Variants in THSD4 observed in about 807,000 individuals in gnomAD.
THSD4 encodes thrombospondin type 1 domain containing 4.
In THSD4, 69 loss-of-function variants were observed where a neutral mutation model predicts 119.0. The ratio of observed to expected loss-of-function variants is 0.58; its 90% confidence interval spans 0.48 to 0.71. THSD4 has a LOEUF of 0.71. Ranked by LOEUF, THSD4 falls within the 30% of genes least tolerant of loss-of-function variation. The pLI, the probability that THSD4 is intolerant of heterozygous loss-of-function variation, is 0.00. For missense variants in THSD4, 1,393 were observed against 1,391.1 expected, an observed-to-expected ratio of 1.00 and a Z score of -0.02; for synonymous variants, 524 against 540.4, an observed-to-expected ratio of 0.97 and a Z score of 0.42.
chr15:71,488,297 C>T (rs951711801), intron 7 of THSD4, among the ~76,000 whole-genome samples: 1 of 152,180 alleles, frequency 6.6e-6, no homozygotes, highest in Admixed American at 6.5e-5. Flanking sequence ...GGCATACATG[C>T]CACCTGATTA....
rs5813654 is a variant in THSD4, at chr15:71,697,918, CT to C, written c.1358-30620del. On this transcript the variant is annotated intron_variant, in intron 8 of 17. Transcript: ENST00000261862. Reference sequence around the variant, plus strand: ...GAAAGGGAACATGGTAGAAATAATCCTTTTTTTTTTTATGGGGGTAGATAAT... The same window carrying C: ...GAAAGGGAACATGGTAGAAATAATCCTTTTTTTTTTATGGGGGTAGATAAT... Among the ~76,000 whole-genome samples, 1,093 of 146,566 alleles carry C rather than the reference CT, an allele frequency of 7.5e-3. 8 individuals carry two copies. The highest frequency in any genetic ancestry group is 0.022 in the African/African-American group (897 of 40,244).
intron 7 of THSD4, among the ~76,000 whole-genome samples, chr15:71,568,676 G>A (rs764435257): frequency 4.0e-5 from 6 of 148,888 alleles, no homozygotes; most frequent in Admixed American, 1.4e-4. Context: ...GTGCCATGTT[G>A]GTGCGCTGCA....
intron 8 of THSD4, among the ~76,000 whole-genome samples, chr15:71,723,096 AAAAT>A (rs2052754470): frequency 6.6e-6 from 1 of 152,106 alleles, no homozygotes; most frequent in Non-Finnish European, 1.5e-5. Flanking sequence ...TATTTAAAAA[AAAAT>A]GGGCAGATAA....
chr15:71,515,339 A>AT (rs1171129687), intron 7 of THSD4, among the ~76,000 whole-genome samples: 1 of 152,162 alleles, frequency 6.6e-6, no homozygotes, highest in African/African-American at 2.4e-5. Context: ...AATGAAAACC[A>AT]TTTCTTTAAA....
chr15:71,103,185 T>C (rs1377493754), intron 1 of THSD4, among the ~76,000 whole-genome samples: 1 of 151,554 alleles, frequency 6.6e-6, no homozygotes, highest in Non-Finnish European at 1.5e-5. Flanking sequence ...AAACAGATTA[T>C]ATTATTTTTG....
chr15:71,183,113 C>G, intron 3 of THSD4: 1 of 151,820 alleles, frequency 6.6e-6, no homozygotes, highest in East Asian at 1.9e-4. Context: ...CACAGTTCCA[C>G]ATGGTTGGGG....
chr15:71,659,511 A>G (rs1469939882), intron 7 of THSD4, among the ~76,000 whole-genome samples: 1 of 152,070 alleles, frequency 6.6e-6, no homozygotes, highest in Non-Finnish European at 1.5e-5. Context: ...TCCTGACCTC[A>G]AGTGATCCTC....
intron 6 of THSD4, among the ~76,000 whole-genome samples, chr15:71,277,847 C>G (rs530986727): frequency 6.6e-6 from 1 of 152,286 alleles, no homozygotes; most frequent in African/African-American, 2.4e-5. Flanking sequence ...CCTTTCTGTG[C>G]TGGGACTAAG....
chr15:71,643,444 GC>G (rs111814865), intron 7 of THSD4, among the ~76,000 whole-genome samples: 4,802 of 151,956 alleles, frequency 0.032, 225 homozygotes, highest in African/African-American at 0.11. Context: ...TATTTTTTCT[GC>G]TCCTCTCCTT....
At chr15:71,098,163 A>G (rs1408239760) in intron 1 of THSD4, among the ~76,000 whole-genome samples, 1 of 147,588 alleles carries the variant, frequency 6.8e-6, no homozygotes, top group Non-Finnish European at 1.5e-5. Context: ...TAACCTGAAT[A>G]TAACTTTCCA....
intron 8 of THSD4, among the ~76,000 whole-genome samples, chr15:71,712,684 C>T (rs1483836541): frequency 2.0e-5 from 3 of 152,122 alleles, no homozygotes; most frequent in Admixed American, 6.5e-5. Flanking sequence ...TAGTACAACC[C>T]AACTATTCCT....
intron 6 of THSD4, among the ~76,000 whole-genome samples, chr15:71,297,057 A>G (rs572925742): frequency 6.6e-6 from 1 of 151,968 alleles, no homozygotes; most frequent in Non-Finnish European, 1.5e-5. Context: ...GCCCATTTAT[A>G]TGTCTTCTAT....
chr15:71,510,706 C>T (rs2048269687), intron 7 of THSD4, among the ~76,000 whole-genome samples: 1 of 152,186 alleles, frequency 6.6e-6, no homozygotes, highest in African/African-American at 2.4e-5. Flanking sequence ...TTACGGACCA[C>T]GGTCTCTCTA....
chr15:71,190,473 C>T (rs1361784447), intron 3 of THSD4, among the ~76,000 whole-genome samples: 5 of 152,164 alleles, frequency 3.3e-5, no homozygotes, highest in Admixed American at 2.0e-4. Flanking sequence ...TTCTAAGGTA[C>T]GGTTAGGGCT....
intron 3 of THSD4, among the ~76,000 whole-genome samples, chr15:71,161,530 G>A (rs887023446): frequency 1.3e-5 from 2 of 151,840 alleles, no homozygotes; most frequent in African/African-American, 2.4e-5. Flanking sequence ...TGGATTTAAA[G>A]TCTATTTCAT....
chr15:71,629,318 G>T (rs1264462918), intron 7 of THSD4, among the ~76,000 whole-genome samples: 2 of 152,084 alleles, frequency 1.3e-5, no homozygotes, highest in African/African-American at 4.8e-5. Flanking sequence ...CAACAAACTG[G>T]GCCTCATCTA....
At chr15:71,587,957 C>G (rs1438485451) in intron 7 of THSD4, among the ~76,000 whole-genome samples, 1 of 152,094 alleles carries the variant, frequency 6.6e-6, no homozygotes, top group Non-Finnish European at 1.5e-5. Flanking sequence ...TCCTCTACCT[C>G]TAAAACCAGT....
intron 3 of THSD4, among the ~76,000 whole-genome samples, chr15:71,156,892 AC>A (rs1252935012): frequency 6.6e-6 from 1 of 151,926 alleles, no homozygotes; most frequent in African/African-American, 2.4e-5. Context: ...TGAATGGAAA[AC>A]CTGGCCAAGG....
intron 3 of THSD4, chr15:71,188,859 G>C (rs1407265963): frequency 6.6e-6 from 1 of 152,652 alleles, no homozygotes; most frequent in Non-Finnish European, 1.5e-5. Context: ...CCTTCAGAGG[G>C]CCTTTCGGGA....
Sources: allele counts gnomAD v4.1 joint callset (sites outside exome capture counted in the v4.1 genomes callset), GRCh38; gene constraint gnomAD v4.1.1; transcripts MANE v1.5; gene names NCBI Gene and HGNC (gene_info 2026-07-23, HGNC 2026-07-21).